KCNN1: variants seen among roughly 807,000 people sequenced by gnomAD.
KCNN1 encodes the protein small conductance calcium-activated potassium channel protein 1.
A neutral mutation model predicts 44.7 loss-of-function variants in KCNN1; 20 were observed. The observed-to-expected ratio is 0.45, with a 90% CI of 0.32 to 0.65. The LOEUF (loss-of-function observed/expected upper bound fraction) is 0.65. KCNN1 is among the 30% of genes least tolerant of loss of function. The pLI, the probability that KCNN1 is intolerant of heterozygous loss-of-function variation, is 0.05. For missense variants in KCNN1, 632 were observed against 785.3 expected, an observed-to-expected ratio of 0.80 and a Z score of 2.33; for synonymous variants, 324 against 341.7, an observed-to-expected ratio of 0.95 and a Z score of 0.57.
chr19:17,972,268 A>C (rs1276070089), intron 1 of KCNN1, among the ~76,000 whole-genome samples: 1 of 152,110 alleles, frequency 6.6e-6, no homozygotes, highest in Non-Finnish European at 1.5e-5. Context: ...TGGGCAGGGC[A>C]GGGGAGAATC....
chr19:17,976,065 C>G (rs2032194676), intron 3 of KCNN1, among the ~76,000 whole-genome samples: 1 of 152,158 alleles, frequency 6.6e-6, no homozygotes, highest in African/African-American at 2.4e-5. Flanking sequence ...CCTGTGATCC[C>G]AGCACTTTGG....
chr19:17,958,889 A>G (rs1373801673), intron 2 of KCNN1, among the ~76,000 whole-genome samples: 1 of 150,008 alleles, frequency 6.7e-6, no homozygotes, highest in East Asian at 2.0e-4. Flanking sequence ...TTTAGTAGAG[A>G]CGGGGTTTCA....
chr19:17,953,014 A>G (rs1290481143), intron 1 of KCNN1, among the ~76,000 whole-genome samples: 1 of 152,012 alleles, frequency 6.6e-6, no homozygotes, highest in Non-Finnish European at 1.5e-5. Context: ...CCGCCGTTTA[A>G]CCCTGAGCGT....
chr19:17,975,667 C>T (rs531494964), intron 3 of KCNN1, among the ~76,000 whole-genome samples: 8 of 152,136 alleles, frequency 5.3e-5, no homozygotes, highest in African/African-American at 1.2e-4. Context: ...GTGATCCACC[C>T]GTCTCAGCCT....
chr19:17,997,596 ATC>A (rs2033042712), intron 9 of KCNN1, among the ~76,000 whole-genome samples: 1 of 129,150 alleles, frequency 7.7e-6, no homozygotes. Flanking sequence ...CTCCTGCCTC[ATC>A]CCCCCCGAGT....
intron 3 of KCNN1, among the ~76,000 whole-genome samples, chr19:17,978,584 C>T (rs2032290204): frequency 6.6e-6 from 1 of 151,832 alleles, no homozygotes; most frequent in Admixed American, 6.6e-5. Flanking sequence ...ACCGCCATGC[C>T]CAGCTAAATG....
chr19:17,979,293 C>A (rs1450767986), intron 3 of KCNN1, among the ~76,000 whole-genome samples: 2 of 151,124 alleles, frequency 1.3e-5, no homozygotes, highest in African/African-American at 4.9e-5. Context: ...ATTAGCCAGG[C>A]GTGGTGGCGG....
upstream of KCNN1, among the ~76,000 whole-genome samples, chr19:17,965,504 G>A (rs573983898): frequency 4.4e-4 from 67 of 152,100 alleles, 1 homozygote; most frequent in Non-Finnish European, 6.8e-4. Context: ...TGGTGGTCCA[G>A]GCAGGGGAAC....
In KCNN1 at chr19:17,993,317, C is replaced by G. The variant is rs1243919878; in HGVS notation, c.1308-173C>G. 6.6e-6 allele frequency among the ~76,000 whole-genome samples: 1 copy of G among 152,108 alleles called. No individual in the cohort carries two copies. The highest frequency in any genetic ancestry group is 1.5e-5 in the Non-Finnish European group (1 of 68,010). On this transcript the variant is annotated intron_variant, in intron 8 of 9. Transcript: ENST00000684775. This position sits in a 1 kb window ranked among gnomAD's most constrained non-coding sequence, Gnocchi z 4.5. The stretch of plus-strand genomic sequence containing the variant: ...AGGCTGACTTCTGGCCCTGGCGCAC[C>G]GGCTGTGTACTGGGAGGGAATAGAC...
chr19:17,962,300 T>G (rs1218024330), upstream of KCNN1, among the ~76,000 whole-genome samples: 1 of 152,134 alleles, frequency 6.6e-6, no homozygotes, highest in Non-Finnish European at 1.5e-5. Flanking sequence ...AGGCTCCCAC[T>G]TCCTGCTCTA....
Position 17,981,870 on chromosome 19 carries a change from G to A in KCNN1, c.660G>A (p.Ser220=). ...GGCTGGCCTTCACGTACGCGCCCTC[G>A]GTGGCCGAGGCCGACGTGGACGTGC... ...TARLAFTYAP[S]VAEADVDVLL... Residue 220 remains serine, a synonymous_variant, in exon 4 of 10, where the codon TCG becomes TCA. Transcript: ENST00000684775. 6.2e-7 allele frequency: 1 copy of A among 1,612,432 alleles called. No homozygotes were observed. Among genetic ancestry groups the A allele is most frequent in the Non-Finnish European group, 8.5e-7 (1 of 1,179,068 alleles).
chr19:17,970,289 ATTTTTTTTTTTTTTTTT>A (rs71164333), intron 1 of KCNN1, among the ~76,000 whole-genome samples: 2,452 of 56,652 alleles, frequency 0.043, 15 homozygotes, highest in Non-Finnish European at 0.047. Context: ...AGAAGGAATG[ATTTTTTTTTTTTTTTTT>A]TTTTTTTTTT....
Position 17,973,985 on chromosome 19 carries a change from C to G in KCNN1, c.97C>G (p.Pro33Ala). 6.3e-7 allele frequency: 1 copy of G among 1,576,572 alleles called. No individual in the cohort carries two copies. Residue 33 changes from proline (P) to alanine (A), a missense_variant, in exon 2 of 10, where the codon CCC becomes GCC. By Grantham distance (27) the Pro-to-Ala change is conservative (BLOSUM62 -1). This residue lies in a region of KCNN1 where 235 missense variants were observed against 224.0 expected (regional missense o/e 1.05). Coordinates refer to ENST00000684775, the MANE Select transcript of KCNN1 (RefSeq NM_001386974.1). Reference protein sequence around the residue: ...RDPPDPEAGHPPQPPHSPGLQ... With the variant: ...RDPPDPEAGHAPQPPHSPGLQ... ...CCCTCCGGACCCTGAGGCCGGCCAC[C>G]CCCCACAACCCCCGCACAGCCCGGG...
At chr19:17,989,612 G>A in intron 6 of KCNN1, 104 bp from the exon 7 acceptor site, 1 of 1,537,206 alleles carries the variant, frequency 6.5e-7, no homozygotes, top group South Asian at 1.1e-5. Context: ...ACCCTGAGAG[G>A]CATTTCCAGA....
chr19:17,997,261 C>T (rs1374278671), intron 9 of KCNN1, among the ~76,000 whole-genome samples: 4 of 152,176 alleles, frequency 2.6e-5, no homozygotes, highest in Non-Finnish European at 5.9e-5. Flanking sequence ...TGGCAGTTCA[C>T]GACTGAACAG....
In KCNN1 at chr19:17,993,111, T is replaced by A; in HGVS notation, c.1307+49T>A. The A allele has an allele frequency of 6.2e-7, 1 of 1,611,554 alleles. No individual in the cohort carries two copies. The highest frequency in any genetic ancestry group is 8.5e-7 in the Non-Finnish European group (1 of 1,178,314). The stretch of plus-strand genomic sequence containing the variant: ...GTGGGGCTGGGAAATCGGGGGTGCA[T>A]GGTGGTCACAGACAGGGGGTACACC... On this transcript the variant is annotated intron_variant, in intron 8 of 9. Coordinates refer to ENST00000684775, the MANE Select transcript of KCNN1 (RefSeq NM_001386974.1). The surrounding 1 kb of genome is among the most constrained non-coding windows in gnomAD (Gnocchi z 4.5).
intron 2 of KCNN1, among the ~76,000 whole-genome samples, chr19:17,958,721 G>A (rs569116621): frequency 7.1e-5 from 9 of 126,882 alleles, no homozygotes; most frequent in South Asian, 4.8e-4. Flanking sequence ...TTTATGAGAC[G>A]GAGTCTTGCC....
intron 1 of KCNN1, among the ~76,000 whole-genome samples, chr19:17,971,234 C>T (rs2032011858): frequency 6.6e-6 from 1 of 152,118 alleles, no homozygotes; most frequent in Non-Finnish European, 1.5e-5. Context: ...TAGTCTGTCA[C>T]CCCCAGTGGG....
chr19:17,961,581 TC>T (rs1366429429), intron 2 of KCNN1, among the ~76,000 whole-genome samples: 21 of 71,988 alleles, frequency 2.9e-4, no homozygotes, highest in African/African-American at 8.7e-4. Flanking sequence ...TTTCTTTCTT[TC>T]TTTCTTTTTT....
Sources: gnomAD v4.1 joint callset for allele counts (sites outside exome capture counted in the v4.1 genomes callset) on GRCh38, gnomAD v4.1.1 for gene constraint, gnomAD v4.1.1 regional missense constraint, Gnocchi (gnomAD v3.1) non-coding constraint, MANE v1.5 for transcripts, NCBI Gene and HGNC (gene_info 2026-07-23, HGNC 2026-07-21) for gene names.